Variants in CMIP observed in about 807,000 individuals in gnomAD.
CMIP encodes C-Maf-inducing protein.
In CMIP, 13 loss-of-function variants were observed where a neutral mutation model predicts 97.3. The observed-to-expected ratio is 0.13, with a 90% CI of 0.09 to 0.21. The LOEUF (loss-of-function observed/expected upper bound fraction) is 0.21, where lower values mean the gene tolerates loss of function less well. Among genes scored for constraint, CMIP ranks in the 10% least tolerant of loss-of-function variants. The pLI, the probability that CMIP is intolerant of heterozygous loss-of-function variation, is 1.00. For synonymous variants in CMIP, 538 were observed against 436.3 expected (o/e 1.23, Z -2.91); for missense variants, 847 against 1,024.9 (o/e 0.83, Z 2.37).
rs929580105 is a variant in CMIP, at chr16:81,614,535, G to A, written c.427-6341G>A. Among the ~76,000 whole-genome samples the A allele has an allele frequency of 2.0e-5, 3 of 152,018 alleles. No individual in the cohort carries two copies. Among genetic ancestry groups the A allele is most frequent in the Non-Finnish European group, 4.4e-5 (3 of 67,988 alleles). On this transcript the variant is annotated intron_variant, in intron 2 of 20. Transcript: ENST00000537098. The surrounding 1 kb of genome is among the most constrained non-coding windows in gnomAD (Gnocchi z 5.3). ...TGGGTGTGTGTGTGGTATATGCATT[G>A]GTTTCCCCAGTGGAAATGTGGCAGT... is the stretch of plus-strand genomic sequence containing the variant.
At chr16:81,532,846 G>A (rs1567563518) in intron 1 of CMIP, among the ~76,000 whole-genome samples, 1 of 152,120 alleles carries the variant, frequency 6.6e-6, no homozygotes, top group Non-Finnish European at 1.5e-5. Context: ...TGCCTCCTGC[G>A]CCTCTCTGCC....
chr16:81,545,971 A>G (rs1249998040), intron 1 of CMIP, among the ~76,000 whole-genome samples: 1 of 152,172 alleles, frequency 6.6e-6, no homozygotes, highest in African/African-American at 2.4e-5. Context: ...ATCCACCGTG[A>G]CCTACATCAG....
chr16:81,705,041 G>A (rs1907975301), intron 18 of CMIP, among the ~76,000 whole-genome samples: 1 of 152,062 alleles, frequency 6.6e-6, no homozygotes, highest in South Asian at 2.1e-4. Context: ...TCAGTACTCT[G>A]CACAGGGCAG....
intron 13 of CMIP, among the ~76,000 whole-genome samples, chr16:81,694,684 C>T (rs539333735): frequency 4.6e-5 from 7 of 152,336 alleles, no homozygotes; most frequent in East Asian, 1.9e-4. Flanking sequence ...TTCCAGCTCA[C>T]GGGGCCTGGG....
rs1468498646 is a variant in CMIP, at chr16:81,616,290, A to G, written c.427-4586A>G. The stretch of plus-strand genomic sequence containing the variant: ...CCTCAGGGTGTGGGCCGAGGGCTTG[A>G]AGAAGTGGCCGCCAGAAGCTTCAGG... On this transcript the variant is annotated intron_variant, in intron 2 of 20. Transcript: ENST00000537098. This position sits in a 1 kb window ranked among gnomAD's most constrained non-coding sequence, Gnocchi z 4.7. Among the ~76,000 whole-genome samples, 2 of 151,966 alleles carry G rather than the reference A, an allele frequency of 1.3e-5. No homozygotes were observed. Among genetic ancestry groups the G allele is most frequent in the Admixed American group, 6.6e-5 (1 of 15,254 alleles).
At chr16:81,684,224 C>T (rs1323395540) in intron 10 of CMIP, among the ~76,000 whole-genome samples, 4 of 152,250 alleles carry the variant, frequency 2.6e-5, no homozygotes, top group Admixed American at 2.0e-4. Context: ...TGAGGTCCTC[C>T]GGCCTCGCGG....
chr16:81,670,719 C>T (rs1024431867), intron 8 of CMIP, among the ~76,000 whole-genome samples: 2 of 151,836 alleles, frequency 1.3e-5, no homozygotes, highest in South Asian at 2.1e-4. Context: ...TAGTATCCCT[C>T]GCCCAGTTAG....
intron 1 of CMIP, among the ~76,000 whole-genome samples, chr16:81,531,521 C>T (rs2090235277): frequency 6.6e-6 from 1 of 152,220 alleles, no homozygotes; most frequent in Non-Finnish European, 1.5e-5. Context: ...TTGTTTTTCA[C>T]ACCAGGCCGT....
chr16:81,664,358 C>T lies in CMIP; in HGVS notation c.825+9C>T. 3 of 1,583,472 alleles carry T rather than the reference C, an allele frequency of 1.9e-6. No individual in the cohort carries two copies. The highest frequency in any genetic ancestry group is 1.7e-6 in the Non-Finnish European group (2 of 1,165,732). ...TCCTCAAGCATAACATGGTGAGTCA[C>T]CCTGCCCCAACACCCAGACCCCAGC... On this transcript the variant is annotated intron_variant, in intron 7 of 20. Transcript: ENST00000537098.
At chr16:81,529,556 G>T (rs1236790668) in intron 1 of CMIP, among the ~76,000 whole-genome samples, 1 of 152,160 alleles carries the variant, frequency 6.6e-6, no homozygotes, top group Non-Finnish European at 1.5e-5. Flanking sequence ...GGAATATGCT[G>T]CCTGCAGGAT....
At chr16:81,609,846 A>T (rs1016452692) in intron 2 of CMIP, among the ~76,000 whole-genome samples, 24 of 152,224 alleles carry the variant, frequency 1.6e-4, no homozygotes, top group African/African-American at 5.8e-4. Context: ...ATATGTCTAG[A>T]TCTGTTGGGC....
At chr16:81,560,419 C>G (rs1164403510) in intron 1 of CMIP, among the ~76,000 whole-genome samples, 1 of 152,040 alleles carries the variant, frequency 6.6e-6, no homozygotes, top group Non-Finnish European at 1.5e-5. Context: ...GGGGTTTCAC[C>G]GTGTTAGCCA....
At chr16:81,581,750 A>G (rs756748427) in intron 1 of CMIP, among the ~76,000 whole-genome samples, 2 of 152,188 alleles carry the variant, frequency 1.3e-5, no homozygotes, top group Non-Finnish European at 2.9e-5. Context: ...AGGGCAAGGG[A>G]ACCACTTCCT....
At chr16:81,707,657 C>T (rs1485800072) in intron 20 of CMIP, among the ~76,000 whole-genome samples, 2 of 152,194 alleles carry the variant, frequency 1.3e-5, no homozygotes, top group Non-Finnish European at 2.9e-5. Context: ...AAGTGAAATC[C>T]GGGAAAGAAA....
At chr16:81,542,846 G>A (rs1398353775) in intron 1 of CMIP, among the ~76,000 whole-genome samples, 7 of 152,166 alleles carry the variant, frequency 4.6e-5, no homozygotes, top group Non-Finnish European at 7.4e-5. Context: ...TTGCAGGGTC[G>A]GGGGTTCAAC....
At chr16:81,522,182 C>T (rs1054740544) in intron 1 of CMIP, among the ~76,000 whole-genome samples, 2 of 152,188 alleles carry the variant, frequency 1.3e-5, no homozygotes, top group African/African-American at 2.4e-5. Context: ...AACACCGATT[C>T]GCCCACGATG....
chr16:81,555,519 A>G (rs2090744804), intron 1 of CMIP, among the ~76,000 whole-genome samples: 1 of 152,214 alleles, frequency 6.6e-6, no homozygotes, highest in African/African-American at 2.4e-5. Flanking sequence ...AAAAGGGTCT[A>G]AGGCCTCATT....
rs1408453672 is a variant in CMIP, at chr16:81,621,202, CA to C, written c.477+277del. 2.9e-6 allele frequency: 1 copy of C among 344,598 alleles called. No homozygotes were observed. The highest frequency in any genetic ancestry group is 5.7e-5 in the East Asian group (1 of 17,692). The allele number at this position is 344,598 out of a possible 1,614,324, so 21.3% of individuals were successfully genotyped here. A position where few individuals can be genotyped will look rare whatever the true frequency, so the allele number is the denominator to read the frequency against. On this transcript the variant is annotated intron_variant, in intron 3 of 20. Transcript: ENST00000537098. The surrounding 1 kb of genome is among the most constrained non-coding windows in gnomAD (Gnocchi z 4.1). The stretch of plus-strand genomic sequence containing the variant: ...AAAGGATCATAGAACTGCTTGCTCT[CA>C]GAGTGAGGGCGACCCTGAGGGGAGT...
At chr16:81,691,162 C>A (rs898757991) in intron 10 of CMIP, among the ~76,000 whole-genome samples, 1 of 152,176 alleles carries the variant, frequency 6.6e-6, no homozygotes, top group Non-Finnish European at 1.5e-5. Flanking sequence ...GCTTACTCAA[C>A]AAACATGTAT....
Sources: gnomAD v4.1 joint callset for allele counts (sites outside exome capture counted in the v4.1 genomes callset) on GRCh38, gnomAD v4.1.1 for gene constraint, Gnocchi (gnomAD v3.1) non-coding constraint, MANE v1.5 for transcripts, NCBI Gene and HGNC (gene_info 2026-07-23, HGNC 2026-07-21) for gene names.